The following MEAF6 variants were observed in gnomAD, a reference collection of about 807,000 sequenced individuals.
The protein encoded by MEAF6 is MYST/Esa1 associated factor 6, also known as chromatin modification-related protein MEAF6.
In MEAF6, 15 loss-of-function variants were observed where a neutral mutation model predicts 28.9. The ratio of observed to expected loss-of-function variants is 0.52; its 90% CI spans 0.35 to 0.80. The LOEUF is 0.80. Among genes scored for constraint, MEAF6 ranks in the 30% least tolerant of loss-of-function variants. MEAF6 has a pLI of 0.01. For missense variants in MEAF6, 178 were observed against 237.5 expected, an observed-to-expected ratio of 0.75 and a Z score of 1.65; for synonymous variants, 97 against 88.7, an observed-to-expected ratio of 1.09 and a Z score of -0.53.
chr1:37,510,533 C>T (rs2148088095), intron 2 of MEAF6, among the ~76,000 whole-genome samples: 1 of 151,736 alleles, frequency 6.6e-6, no homozygotes, highest in East Asian at 1.9e-4. Context: ...AGGCGCACCC[C>T]ACCATGCCCG....
At chr1:37,508,664 ATTG>A (rs769983535) in intron 4 of MEAF6, among the ~76,000 whole-genome samples, 53 of 152,182 alleles carry the variant, frequency 3.5e-4, no homozygotes, top group Non-Finnish European at 4.3e-4. Flanking sequence ...CATAAAAGTT[ATTG>A]TTTTAACTTT....
chr1:37,509,270 C>T lies in MEAF6; in HGVS notation c.340+8G>A. ...AAACTGATGAGAAACATAAAAACATCAACTTACTCTTTTCAATGAGCTGGT... is the reference window on the plus strand; with the variant it reads ...AAACTGATGAGAAACATAAAAACATTAACTTACTCTTTTCAATGAGCTGGT... On this transcript the variant is annotated splice_region_variant and intron_variant, in intron 4 of 6. Coordinates refer to ENST00000296214, the MANE Select transcript of MEAF6 (RefSeq NM_001270875.3). 1 of 1,613,068 alleles carries T rather than the reference C, an allele frequency of 6.2e-7. No individual in the cohort carries two copies.
In MEAF6 at chr1:37,501,978, G is replaced by A. The variant is rs1465790941; in HGVS notation, c.359C>T (p.Thr120Met). Residue 120 changes from threonine to methionine, a missense_variant, in exon 5 of 7, where the codon ACG (threonine) becomes ATG (methionine). Transcript: ENST00000296214. ...LIEKREPGSG[T>M]ESDTSPDFHN... is the part of the protein sequence containing the mutation. ...GAAGTCTGGAGAAGTGTCACTTTCC[G>A]TCCCACTTCCTGGCTCCCCTGAAGG... 6.9e-6 allele frequency: 11 copies of A among 1,604,928 alleles called. No individual in the cohort carries two copies. Among genetic ancestry groups the A allele is most frequent in the East Asian group, 4.5e-5 (2 of 44,744 alleles).
At chr1:37,498,641 G>A (rs555866973) in intron 5 of MEAF6, among the ~76,000 whole-genome samples, 20 of 151,416 alleles carry the variant, frequency 1.3e-4, no homozygotes, top group Admixed American at 5.3e-4. Context: ...TGTTGCCCCC[G>A]GCTGGTCTCG....
At position 37,490,101 on chromosome 1, in the gene MEAF6, A is replaced by C. The variant is rs1047429611; in HGVS notation, c.*3998T>G. 6.6e-6 allele frequency among the ~76,000 whole-genome samples: 1 copy of C among 152,268 alleles called. No homozygotes were observed. The highest frequency in any genetic ancestry group is 2.4e-5 in the African/African-American group (1 of 41,544). The stretch of plus-strand genomic sequence containing the variant: ...AAAATACATCCAAAGTGAGAAACTA[A>C]ATAAGGCTGAGCCTCAAAATGAATA... On this transcript the variant is annotated 3_prime_UTR_variant, in exon 7 of 7. Transcript: ENST00000296214.
In MEAF6 at chr1:37,501,791, C is replaced by T. The variant is rs781011971; in HGVS notation, c.533+13G>A. ...GTCATGGGAGCTGCGGGGGTGGGATCCCTGCCACTGACCTGTGCCGGTTTT... is the reference window on the plus strand; with the variant it reads ...GTCATGGGAGCTGCGGGGGTGGGATTCCTGCCACTGACCTGTGCCGGTTTT... On this transcript the variant is annotated intron_variant, in intron 5 of 6. Coordinates refer to ENST00000296214, the MANE Select transcript of MEAF6 (RefSeq NM_001270875.3). The T allele has an allele frequency of 1.3e-6, 2 of 1,548,462 alleles. No homozygotes were observed. Among genetic ancestry groups the T allele is most frequent in the East Asian group, 2.3e-5 (1 of 43,664 alleles).
intron 4 of MEAF6, among the ~76,000 whole-genome samples, chr1:37,503,550 G>A (rs1642382340): frequency 6.6e-6 from 1 of 151,624 alleles, no homozygotes; most frequent in Non-Finnish European, 1.5e-5. Context: ...CAGCTGTTCA[G>A]GAAGCTGAGG....
At chr1:37,496,797 T>G in intron 5 of MEAF6, 1 of 1,534,082 alleles carries the variant, frequency 6.5e-7, no homozygotes, top group Non-Finnish European at 8.8e-7. Context: ...TTGAATAAAT[T>G]AGTCGATTAG....
chr1:37,503,972 T>C (rs1389090902), intron 4 of MEAF6, among the ~76,000 whole-genome samples: 1 of 151,936 alleles, frequency 6.6e-6, no homozygotes, highest in Non-Finnish European at 1.5e-5. Context: ...AAAAAGAATA[T>C]AGTTATTGGT....
chr1:37,497,454 TCA>T (rs937619235), intron 5 of MEAF6, among the ~76,000 whole-genome samples: 7 of 152,138 alleles, frequency 4.6e-5, no homozygotes, highest in African/African-American at 1.7e-4. Context: ...TGAATAAACT[TCA>T]GTGGTGGAAC....
chr1:37,494,814 G>A (rs193295588), intron 6 of MEAF6, among the ~76,000 whole-genome samples: 22 of 151,922 alleles, frequency 1.4e-4, no homozygotes, highest in African/African-American at 5.3e-4. Context: ...CTGGGTGACA[G>A]AGCCAGACCC....
In MEAF6 at chr1:37,493,981, G is replaced by A; in HGVS notation, c.*118C>T. The A allele has an allele frequency of 1.3e-6, 2 of 1,577,920 alleles. No homozygotes were observed. Among genetic ancestry groups the A allele is most frequent in the Middle Eastern group, 1.8e-4 (1 of 5,668 alleles). ...CAAACTACTCAAAGTCACAGGCACT[G>A]GGTCTGGGAGAGCAGAGGTGGATGG... is the stretch of plus-strand genomic sequence containing the variant. On this transcript the variant is annotated 3_prime_UTR_variant, in exon 7 of 7. Transcript: ENST00000296214.
intron 2 of MEAF6, among the ~76,000 whole-genome samples, chr1:37,513,094 GA>G (rs1642720345): frequency 1.3e-5 from 2 of 151,964 alleles, no homozygotes; most frequent in South Asian, 4.1e-4. Flanking sequence ...GGAGGAAAAA[GA>G]AAAAAAGAAA....
chr1:37,500,692 C>A (rs1642272135), intron 5 of MEAF6, among the ~76,000 whole-genome samples: 1 of 152,192 alleles, frequency 6.6e-6, no homozygotes, highest in South Asian at 2.1e-4. Context: ...AGGTTCAAAT[C>A]AGGTAGAGTT....
intron 6 of MEAF6, among the ~76,000 whole-genome samples, 172 bp downstream of exon 6, chr1:37,495,713 A>AAAAAAAAAC (rs1557603971): frequency 7.5e-6 from 1 of 133,984 alleles, no homozygotes; most frequent in African/African-American, 2.6e-5. Flanking sequence ...ACAAAAAAAA[A>AAAAAAAAAC]AAAAAACAAA....
chr1:37,504,747 G>C (rs1355945290), intron 4 of MEAF6, among the ~76,000 whole-genome samples: 2 of 143,192 alleles, frequency 1.4e-5, no homozygotes, highest in Non-Finnish European at 3.0e-5. Context: ...ACTCCAGCCT[G>C]GGCAACAAGA....
intron 5 of MEAF6, among the ~76,000 whole-genome samples, chr1:37,497,092 G>C (rs1216248045): frequency 1.3e-5 from 2 of 152,154 alleles, no homozygotes; most frequent in Non-Finnish European, 2.9e-5. Context: ...GAAAGGTTTA[G>C]TTATATAATG....
chr1:37,495,854 G>A (rs1349209320), intron 6 of MEAF6, 31 bp downstream of exon 6: 1 of 1,612,384 alleles, frequency 6.2e-7, no homozygotes, highest in Admixed American at 1.7e-5. Flanking sequence ...AAAATTGCCA[G>A]CCTCTCTGAA....
intron 4 of MEAF6, among the ~76,000 whole-genome samples, chr1:37,502,547 T>C (rs1642346248): frequency 7.9e-6 from 1 of 126,744 alleles, no homozygotes; most frequent in Non-Finnish European, 1.8e-5. Flanking sequence ...TTTTCCATTG[T>C]TTTTTCTTGT....
Sources: gnomAD v4.1 joint callset for allele counts (sites outside exome capture counted in the v4.1 genomes callset) on GRCh38, gnomAD v4.1.1 for gene constraint, MANE v1.5 for transcripts, NCBI Gene and HGNC (gene_info 2026-07-23, HGNC 2026-07-21) for gene names.